The following TTC6 variants were observed in gnomAD, a reference collection of about 807,000 sequenced individuals.
TTC6 encodes the protein tetratricopeptide repeat domain 6, also known as tetratricopeptide repeat protein 6.
TTC6 carries 172 observed loss-of-function variants against 210.4 expected under a neutral mutation model. That is an observed-to-expected ratio of 0.82 (90% CI 0.72 to 0.93). The LOEUF is 0.93. Ranked by LOEUF, TTC6 falls within the 40% of genes least tolerant of loss-of-function variation. TTC6 has a pLI of 0.00. For synonymous variants in TTC6, 804 were observed against 819.6 expected (o/e 0.98, Z 0.32); for missense variants, 2,414 against 2,318.1 (o/e 1.04, Z -0.85).
At chr14:37,726,223 A>G (rs2095872816) in intron 7 of TTC6, among the ~76,000 whole-genome samples, 1 of 152,214 alleles carries the variant, frequency 6.6e-6, no homozygotes, top group Admixed American at 6.5e-5. Context: ...AAAGGATAAA[A>G]CAAAAAAGTT....
At chr14:37,841,466 G>A (rs1221282188) in exon 30 of TTC6, 2 of 1,588,642 alleles carry the variant, frequency 1.3e-6, no homozygotes, top group African/African-American at 2.7e-5. Context: ...CTTCTCAAAA[G>A]CTTTAAAATT....
intron 2 of TTC6, among the ~76,000 whole-genome samples, chr14:37,610,502 A>G (rs2095632524): frequency 1.3e-5 from 2 of 152,194 alleles, no homozygotes. Context: ...ATTCATCTAC[A>G]CTATATTATC....
chr14:37,739,111 A>G (rs879249822), exon 10 of TTC6: 2 of 1,527,076 alleles, frequency 1.3e-6, no homozygotes, highest in Non-Finnish European at 1.7e-6. Flanking sequence ...AAAAACTTAT[A>G]TTCGTGCATG....
intron 20 of TTC6, among the ~76,000 whole-genome samples, chr14:37,797,768 AAAGTTT>A (rs2096096098): frequency 6.6e-6 from 1 of 151,954 alleles, no homozygotes; most frequent in Non-Finnish European, 1.5e-5. Context: ...TTTTCTTTGG[AAAGTTT>A]AAGTTTTCCT....
At position 37,841,533 on chromosome 14, in the gene TTC6, AG is replaced by A. The variant is rs2096210117; in HGVS notation, c.5388del (p.Lys1797AsnfsTer12). On this transcript the variant is annotated frameshift_variant, in exon 30 of 31. Coordinates refer to ENST00000553443, the Ensembl canonical transcript of TTC6. LOFTEE classifies it high-confidence loss of function. ...CGAGCTATTACAAATACAATATTAA[AG>A]AAATATGAAGAAGCAAAAGAAGATT... is the stretch of plus-strand genomic sequence containing the variant. 1.2e-6 allele frequency: 2 copies of A among 1,603,076 alleles called. No homozygotes were observed. The highest frequency in any genetic ancestry group is 1.7e-6 in the Non-Finnish European group (2 of 1,177,396).
chr14:37,641,128 T>C (rs977748742), intron 1 of TTC6, among the ~76,000 whole-genome samples: 2 of 152,206 alleles, frequency 1.3e-5, no homozygotes, highest in Non-Finnish European at 2.9e-5. Flanking sequence ...TAAAATAATA[T>C]AGTTATCTTG....
At chr14:37,756,955 T>G (rs149511485) in intron 14 of TTC6, among the ~76,000 whole-genome samples, 1 of 152,334 alleles carries the variant, frequency 6.6e-6, no homozygotes, top group East Asian at 1.9e-4. Context: ...TCTGGTAGAA[T>G]TCGTCTGTGA....
chr14:37,650,675 T>G (rs1438679087), intron 1 of TTC6, among the ~76,000 whole-genome samples: 1 of 152,236 alleles, frequency 6.6e-6, no homozygotes, highest in African/African-American at 2.4e-5. Context: ...GGTCGTTGGA[T>G]GACTGCACAC....
At chr14:37,641,636 G>A (rs1282165375) in intron 1 of TTC6, among the ~76,000 whole-genome samples, 1 of 152,070 alleles carries the variant, frequency 6.6e-6, no homozygotes, top group Non-Finnish European at 1.5e-5. Flanking sequence ...TTATGAACAT[G>A]GTAGGAAAAG....
At chr14:37,836,475 A>C (rs561495405) in intron 29 of TTC6, among the ~76,000 whole-genome samples, 1 of 152,172 alleles carries the variant, frequency 6.6e-6, no homozygotes, top group African/African-American at 2.4e-5. Context: ...TTTGTCTTTG[A>C]TTACTATATG....
At chr14:37,658,317 C>T (rs2095729295) in intron 1 of TTC6, among the ~76,000 whole-genome samples, 1 of 152,202 alleles carries the variant, frequency 6.6e-6, no homozygotes, top group South Asian at 2.1e-4. Flanking sequence ...CACTTATTTA[C>T]ATTACACTGT....
At chr14:37,806,110 C>A (rs949805515) in intron 21 of TTC6, among the ~76,000 whole-genome samples, 1 of 152,162 alleles carries the variant, frequency 6.6e-6, no homozygotes, top group African/African-American at 2.4e-5. Context: ...AATTATACCA[C>A]CTGAAATATT....
chr14:37,750,853 G>T (rs1595195796), intron 12 of TTC6, among the ~76,000 whole-genome samples, 200 bp from the exon 15 acceptor site: 1 of 152,090 alleles, frequency 6.6e-6, no homozygotes, highest in East Asian at 1.9e-4. Flanking sequence ...TTGTGCCACT[G>T]CACTCCAGCC....
chr14:37,629,865 CAT>C (rs752733336), intron 1 of TTC6, among the ~76,000 whole-genome samples: 2 of 152,122 alleles, frequency 1.3e-5, no homozygotes, highest in African/African-American at 2.4e-5. Flanking sequence ...TTGAGATAAT[CAT>C]GTGGTTTTTG....
At chr14:37,778,836 C>G (rs1243864008) in intron 14 of TTC6, among the ~76,000 whole-genome samples, 3 of 152,090 alleles carry the variant, frequency 2.0e-5, no homozygotes, top group African/African-American at 7.2e-5. Flanking sequence ...GGAGGGCACT[C>G]AAGTTGGACT....
At chr14:37,736,063 TC>T in intron 8 of TTC6, 53 bp downstream of exon 10, 2 of 917,226 alleles carry the variant, frequency 2.2e-6, no homozygotes, top group Non-Finnish European at 3.3e-6. Flanking sequence ...CTGCCTACAG[TC>T]CAGATATTAA....
intron 1 of TTC6, among the ~76,000 whole-genome samples, chr14:37,662,422 G>A (rs1273802821): frequency 1.3e-5 from 2 of 152,120 alleles, no homozygotes; most frequent in Non-Finnish European, 2.9e-5. Context: ...CATGGTTTTT[G>A]TCTTTAGATC....
At chr14:37,665,641 A>G (rs573292276) in intron 1 of TTC6, among the ~76,000 whole-genome samples, 20 of 150,642 alleles carry the variant, frequency 1.3e-4, no homozygotes, top group Admixed American at 9.9e-4. Flanking sequence ...ACATGTACCC[A>G]TGAACTTAAA....
chr14:37,616,964 C>T (rs1459818212), intron 2 of TTC6, among the ~76,000 whole-genome samples: 1 of 152,094 alleles, frequency 6.6e-6, no homozygotes, highest in East Asian at 1.9e-4. Context: ...GCAGCCTTGA[C>T]CTCCTGGGCT....
Sources: allele counts gnomAD v4.1 joint callset (sites outside exome capture counted in the v4.1 genomes callset), GRCh38; gene constraint gnomAD v4.1.1; transcripts MANE v1.5; gene names NCBI Gene and HGNC (gene_info 2026-07-23, HGNC 2026-07-21).